Variants in SLC9A9 observed in about 807,000 individuals in gnomAD.
SLC9A9 encodes solute carrier family 9 member A9.
A neutral mutation model predicts 77.8 loss-of-function variants in SLC9A9; 62 were observed. The ratio of observed to expected loss-of-function variants is 0.80; its 90% CI spans 0.65 to 0.98. SLC9A9 has a LOEUF of 0.98. Among genes scored for constraint, SLC9A9 ranks in the 50% least tolerant of loss-of-function variants. SLC9A9 has a pLI of 0.00. For missense variants in SLC9A9, 775 were observed against 774.9 expected, an observed-to-expected ratio of 1.00 and a Z score of 0.00; for synonymous variants, 320 against 283.5, an observed-to-expected ratio of 1.13 and a Z score of -1.29.
At chr3:143,838,065 T>A (rs2009613832) in intron 1 of SLC9A9, among the ~76,000 whole-genome samples, 1 of 152,346 alleles carries the variant, frequency 6.6e-6, no homozygotes, top group South Asian at 2.1e-4. Flanking sequence ...TATTGCTTAA[T>A]TCTGTTTCTG....
chr3:143,470,122 A>G (rs1371203740), intron 11 of SLC9A9, among the ~76,000 whole-genome samples: 5 of 152,192 alleles, frequency 3.3e-5, no homozygotes, highest in Non-Finnish European at 7.4e-5. Flanking sequence ...GAGAGAATTT[A>G]TAGGTCATGG....
chr3:143,839,932 G>A (rs915446690), intron 1 of SLC9A9, among the ~76,000 whole-genome samples: 1 of 152,186 alleles, frequency 6.6e-6, no homozygotes, highest in Non-Finnish European at 1.5e-5. Context: ...TTAGTAAAGG[G>A]AGATGGTCTT....
intron 12 of SLC9A9, among the ~76,000 whole-genome samples, chr3:143,430,658 G>C (rs1354414157): frequency 6.6e-6 from 1 of 152,172 alleles, no homozygotes; most frequent in Non-Finnish European, 1.5e-5. Flanking sequence ...GGCCCTCTGG[G>C]GGAAGCATCA....
intron 9 of SLC9A9, among the ~76,000 whole-genome samples, chr3:143,541,739 A>G (rs1398453887): frequency 6.6e-6 from 1 of 152,174 alleles, no homozygotes; most frequent in Non-Finnish European, 1.5e-5. Flanking sequence ...TCTGGGTTCA[A>G]AAGTTTATAG....
At chr3:143,484,353 T>A (rs983649408) in intron 11 of SLC9A9, among the ~76,000 whole-genome samples, 10 of 152,238 alleles carry the variant, frequency 6.6e-5, no homozygotes, top group Non-Finnish European at 1.5e-4. Context: ...CTCTGGCTTA[T>A]GTTACCTTAA....
chr3:143,616,293 A>G (rs1298793085), intron 6 of SLC9A9, among the ~76,000 whole-genome samples: 2 of 152,204 alleles, frequency 1.3e-5, no homozygotes, highest in Non-Finnish European at 2.9e-5. Context: ...AATGTAAAAC[A>G]TTAGAAACAG....
At chr3:143,564,167 T>A (rs1253933365) in intron 8 of SLC9A9, among the ~76,000 whole-genome samples, 2 of 152,218 alleles carry the variant, frequency 1.3e-5, no homozygotes, top group Admixed American at 1.3e-4. Flanking sequence ...GGGTCCGTTG[T>A]CTTCTAATAT....
intron 14 of SLC9A9, among the ~76,000 whole-genome samples, chr3:143,303,378 T>C (rs1252531876): frequency 4.0e-5 from 6 of 148,668 alleles, no homozygotes; most frequent in South Asian, 2.1e-4. Flanking sequence ...CTTTTCTTTT[T>C]TTTTTTTTGA....
At chr3:143,435,028 C>T (rs1424243974) in intron 12 of SLC9A9, among the ~76,000 whole-genome samples, 1 of 152,158 alleles carries the variant, frequency 6.6e-6, no homozygotes, top group Admixed American at 6.5e-5. Flanking sequence ...CACGCCCCGC[C>T]GTCATCAAGC....
chr3:143,396,673 T>C (rs747247138), intron 12 of SLC9A9, among the ~76,000 whole-genome samples: 1 of 152,148 alleles, frequency 6.6e-6, no homozygotes, highest in Non-Finnish European at 1.5e-5. Flanking sequence ...GTTGTTCTTG[T>C]TGTGGTAGTG....
At chr3:143,432,539 G>A (rs1007466413) in intron 12 of SLC9A9, among the ~76,000 whole-genome samples, 2 of 152,224 alleles carry the variant, frequency 1.3e-5, no homozygotes, top group East Asian at 1.9e-4. Context: ...GAGCTTTACC[G>A]AGAAAAGGTT....
chr3:143,568,617 G>T (rs2037209895), intron 8 of SLC9A9, among the ~76,000 whole-genome samples: 1 of 152,172 alleles, frequency 6.6e-6, no homozygotes. Flanking sequence ...ATTGGGCACA[G>T]AACACTTACT....
At chr3:143,358,323 C>A (rs1204299028) in intron 14 of SLC9A9, among the ~76,000 whole-genome samples, 4 of 152,202 alleles carry the variant, frequency 2.6e-5, no homozygotes, top group Non-Finnish European at 5.9e-5. Context: ...AAGGAAATCT[C>A]CATCCACGTG....
At chr3:143,797,171 T>A (rs570837042) in intron 2 of SLC9A9, among the ~76,000 whole-genome samples, 237 of 50,416 alleles carry the variant, frequency 4.7e-3, no homozygotes, top group African/African-American at 0.024. Flanking sequence ...CTGAGAAAAA[T>A]GTCTTTTTAT....
At chr3:143,285,831 G>C (rs928353711) in intron 14 of SLC9A9, among the ~76,000 whole-genome samples, 12 of 152,170 alleles carry the variant, frequency 7.9e-5, no homozygotes. Context: ...TTTGCCACAG[G>C]TGTCCAGGTT....
At chr3:143,609,202 G>A (rs755785452) in intron 6 of SLC9A9, among the ~76,000 whole-genome samples, 1 of 152,120 alleles carries the variant, frequency 6.6e-6, no homozygotes, top group African/African-American at 2.4e-5. Flanking sequence ...TTGTGTCAGG[G>A]TAAGCAAATA....
chr3:143,733,759 T>C lies in SLC9A9; in HGVS notation c.534-40452A>G, dbSNP rs73871642. Among the ~76,000 whole-genome samples, 196 of 152,172 alleles carry C rather than the reference T, an allele frequency of 1.3e-3. 1 individual carries two copies. The highest frequency in any genetic ancestry group is 4.4e-3 in the African/African-American group (183 of 41,498). On this transcript the variant is annotated intron_variant, in intron 4 of 15. Coordinates refer to ENST00000316549, the MANE Select transcript of SLC9A9 (RefSeq NM_173653.4). ...TGAGAAAGTATCCAGGATGTAGATC[T>C]AGCCTTGAACTGTAGACAGAGGACA...
intron 12 of SLC9A9, among the ~76,000 whole-genome samples, chr3:143,408,083 C>A (rs2034018623): frequency 6.6e-6 from 1 of 152,186 alleles, no homozygotes; most frequent in African/African-American, 2.4e-5. Flanking sequence ...CTGAGAGAGA[C>A]AGCACTCTCT....
chr3:143,392,575 G>A (rs1291501074), intron 12 of SLC9A9, among the ~76,000 whole-genome samples: 2 of 152,158 alleles, frequency 1.3e-5, no homozygotes, highest in Admixed American at 6.5e-5. Context: ...ACATCATAAT[G>A]ACAGGATCAA....
Sources: allele counts gnomAD v4.1 joint callset (sites outside exome capture counted in the v4.1 genomes callset), GRCh38; gene constraint gnomAD v4.1.1; transcripts MANE v1.5; gene names NCBI Gene and HGNC (gene_info 2026-07-23, HGNC 2026-07-21).